The following NR2C2 variants were observed in gnomAD, a reference collection of about 807,000 sequenced individuals.
The protein encoded by NR2C2 is nuclear receptor subfamily 2 group C member 2, also known as Nuclear hormone receptor TR4.
In NR2C2, 6 loss-of-function variants were observed where a neutral mutation model predicts 62.9. That is an observed-to-expected ratio of 0.10 (90% CI 0.05 to 0.19). The LOEUF is 0.19. Ranked by LOEUF, NR2C2 falls within the 10% of genes least tolerant of loss-of-function variation. The probability of loss-of-function intolerance (pLI) is 1.00; values close to 1 mark genes in which losing one functional copy is unlikely to be tolerated. For synonymous variants in NR2C2, 272 were observed against 273.8 expected, an observed-to-expected ratio of 0.99 and a Z score of 0.07; for missense variants, 479 against 762.7, an observed-to-expected ratio of 0.63 and a Z score of 4.38.
At chr3:14,997,494 T>A (rs2040864888) in intron 1 of NR2C2, among the ~76,000 whole-genome samples, 1 of 152,236 alleles carries the variant, frequency 6.6e-6, no homozygotes, top group Non-Finnish European at 1.5e-5. Flanking sequence ...TTGGCCAGCC[T>A]TTTCTTTTCA....
At chr3:14,974,339 G>A (rs946057888) in intron 1 of NR2C2, among the ~76,000 whole-genome samples, 8 of 152,130 alleles carry the variant, frequency 5.3e-5, no homozygotes, top group Non-Finnish European at 7.4e-5. Flanking sequence ...ATCTAACTTT[G>A]TTCTTTTTCA....
Position 15,042,827 on chromosome 3 carries a change from T to C in NR2C2, c.1617-7T>C. 1 of 1,613,074 alleles carries C rather than the reference T, an allele frequency of 6.2e-7. No homozygotes were observed. The highest frequency in any genetic ancestry group is 1.3e-5 in the African/African-American group (1 of 75,016). ...GTCTCCTTTTCTAATGACACTCCCT[T>C]TTATAGATTGGCCCGGATCCTCGTT... On this transcript the variant is annotated splice_region_variant and splice_polypyrimidine_tract_variant and intron_variant, in intron 13 of 13. Transcript: ENST00000425241.
chr3:15,004,114 C>A (rs546235613), intron 2 of NR2C2, 128 bp downstream of exon 2: 4 of 666,282 alleles, frequency 6.0e-6, no homozygotes, highest in African/African-American at 5.7e-5. Flanking sequence ...TTCATCAATT[C>A]TTTAAAAAAA....
Position 15,023,329 on chromosome 3 carries a change from C to A in NR2C2, c.686C>A (p.Ala229Glu). 2 of 1,614,126 alleles carry A rather than the reference C, an allele frequency of 1.2e-6. No individual in the cohort carries two copies. Among genetic ancestry groups the A allele is most frequent in the Non-Finnish European group, 1.7e-6 (2 of 1,180,012 alleles). The part of the protein sequence containing the change: ...SPLIATPTFV[A>E]DKDGARQTGL... Reference sequence around the variant, plus strand: ...CTGATAGCTACTCCCACGTTTGTGGCAGACAAAGATGGAGCAAGGTCAGTC... The same window carrying A: ...CTGATAGCTACTCCCACGTTTGTGGAAGACAAAGATGGAGCAAGGTCAGTC... Residue 229 changes from alanine to glutamate, a missense_variant, in exon 6 of 14, where the codon GCA (alanine) becomes GAA (glutamate). Ala to Glu is a moderately radical substitution (Grantham distance 107). Around this residue, in one of 4 missense-constraint regions of NR2C2, gnomAD observed 151 missense variants for 176.1 expected, o/e 0.86. Coordinates refer to ENST00000425241, the MANE Select transcript of NR2C2 (RefSeq NM_001291694.2).
intron 1 of NR2C2, among the ~76,000 whole-genome samples, chr3:14,980,634 T>C (rs2040340476): frequency 6.6e-6 from 1 of 152,184 alleles, no homozygotes; most frequent in Non-Finnish European, 1.5e-5. Flanking sequence ...CTAATAAAAA[T>C]ACTAGTTAAA....
chr3:14,956,360 T>C (rs901213965), intron 1 of NR2C2, among the ~76,000 whole-genome samples: 4 of 152,250 alleles, frequency 2.6e-5, no homozygotes, highest in Non-Finnish European at 5.9e-5. Context: ...ATTAGACTTA[T>C]ACTGAATGCC....
chr3:15,003,485 T>G (rs1294831939), intron 1 of NR2C2, among the ~76,000 whole-genome samples: 1 of 152,188 alleles, frequency 6.6e-6, no homozygotes, highest in Non-Finnish European at 1.5e-5. Context: ...CATCCCCTGC[T>G]GTGTTGTGAG....
chr3:14,995,902 G>A (rs992458633), intron 1 of NR2C2, among the ~76,000 whole-genome samples: 1 of 152,040 alleles, frequency 6.6e-6, no homozygotes, highest in Admixed American at 6.6e-5. Flanking sequence ...ATCTTATTGT[G>A]ATTTTTATTT....
chr3:15,016,871 C>T (rs2041524352), intron 4 of NR2C2, among the ~76,000 whole-genome samples: 2 of 152,170 alleles, frequency 1.3e-5, no homozygotes, highest in African/African-American at 4.8e-5. Flanking sequence ...TCTGTGATTA[C>T]GATTGGGTAA....
chr3:15,034,944 A>C, intron 11 of NR2C2, 135 bp downstream of exon 11: 1 of 893,682 alleles, frequency 1.1e-6, no homozygotes, highest in Non-Finnish European at 1.7e-6. Flanking sequence ...AGCAAATTGG[A>C]TAGCCTCAGT....
chr3:14,962,891 C>A (rs1174144585), intron 1 of NR2C2, among the ~76,000 whole-genome samples: 1 of 152,134 alleles, frequency 6.6e-6, no homozygotes, highest in African/African-American at 2.4e-5. Flanking sequence ...TGCCATGGAC[C>A]AGGGATTGTA....
chr3:15,017,459 A>G (rs1007735067), intron 4 of NR2C2, among the ~76,000 whole-genome samples: 2 of 152,196 alleles, frequency 1.3e-5, no homozygotes, highest in African/African-American at 2.4e-5. Context: ...ATGTCTTACC[A>G]TCTATCTCTG....
At chr3:14,971,962 C>T (rs1487540371) in intron 1 of NR2C2, among the ~76,000 whole-genome samples, 13 of 151,652 alleles carry the variant, frequency 8.6e-5, no homozygotes, top group African/African-American at 2.4e-4. Flanking sequence ...GCATGCGCCA[C>T]CACGCCCAGG....
intron 1 of NR2C2, among the ~76,000 whole-genome samples, chr3:15,002,197 C>A (rs1490868834): frequency 6.6e-6 from 1 of 152,146 alleles, no homozygotes; most frequent in Non-Finnish European, 1.5e-5. Context: ...GCTAAGTATA[C>A]TGTATAGCTG....
At chr3:14,983,534 C>T (rs926580103) in intron 1 of NR2C2, among the ~76,000 whole-genome samples, 2 of 151,780 alleles carry the variant, frequency 1.3e-5, no homozygotes, top group African/African-American at 4.8e-5. Flanking sequence ...GATTTTGCAT[C>T]TGTGTTCATG....
intron 1 of NR2C2, among the ~76,000 whole-genome samples, chr3:14,971,397 C>T (rs2040036649): frequency 6.6e-6 from 1 of 151,724 alleles, no homozygotes; most frequent in Admixed American, 6.6e-5. Flanking sequence ...GGATTACAGG[C>T]ATAAGCCACC....
chr3:15,028,852 T>C (rs1170578341), intron 8 of NR2C2, 133 bp downstream of exon 8: 10 of 966,516 alleles, frequency 1.0e-5, no homozygotes, highest in Non-Finnish European at 1.5e-5. Context: ...ATGACCCTGC[T>C]CATCTGTCTT....
chr3:15,020,946 T>G lies in NR2C2; in HGVS notation c.556+14T>G. ...TGAAAATGGAATGTGAGTAACAATA[T>G]TTAAAAACCACATGAGTTAATGTGG... On this transcript the variant is annotated intron_variant, in intron 5 of 13. Coordinates refer to ENST00000425241, the MANE Select transcript of NR2C2 (RefSeq NM_001291694.2). The G allele has an allele frequency of 1.9e-6, 3 of 1,611,428 alleles. No homozygotes were observed. Among genetic ancestry groups the G allele is most frequent in the Non-Finnish European group, 2.5e-6 (3 of 1,177,802 alleles).
At chr3:15,004,782 CTGT>C (rs1429099620) in intron 2 of NR2C2, among the ~76,000 whole-genome samples, 1 of 152,136 alleles carries the variant, frequency 6.6e-6, no homozygotes, top group Non-Finnish European at 1.5e-5. Flanking sequence ...CTTTGATGCT[CTGT>C]TGTTAGTTGC....
Sources: gnomAD v4.1 joint callset for allele counts (sites outside exome capture counted in the v4.1 genomes callset) on GRCh38, gnomAD v4.1.1 for gene constraint, gnomAD v4.1.1 regional missense constraint, MANE v1.5 for transcripts, NCBI Gene and HGNC (gene_info 2026-07-23, HGNC 2026-07-21) for gene names.